PIK3CB: variants seen among roughly 807,000 people sequenced by gnomAD.
PIK3CB encodes phosphatidylinositol-4,5-bisphosphate 3-kinase catalytic subunit beta.
PIK3CB carries 39 observed loss-of-function variants against 136.8 expected under a neutral mutation model. The ratio of observed to expected loss-of-function variants is 0.29; its 90% CI spans 0.22 to 0.37. The LOEUF (loss-of-function observed/expected upper bound fraction) is 0.37, where lower values mean the gene tolerates loss of function less well. PIK3CB is among the 10% of genes least tolerant of loss of function. The probability of loss-of-function intolerance (pLI) is 1.00; values close to 1 mark genes in which losing one functional copy is unlikely to be tolerated. For synonymous variants in PIK3CB, 428 were observed against 436.6 expected (o/e 0.98, Z 0.25); for missense variants, 868 against 1,275.4 (o/e 0.68, Z 4.87).
intron 8 of PIK3CB, among the ~76,000 whole-genome samples, chr3:138,716,639 T>A (rs960283309): frequency 2.0e-5 from 3 of 152,130 alleles, no homozygotes; most frequent in Non-Finnish European, 4.4e-5. Context: ...CTCACGCCTG[T>A]AATCCCAGCA....
At chr3:138,707,340 C>T in intron 10 of PIK3CB, 51 bp from the exon 11 acceptor site, 3 of 1,552,514 alleles carry the variant, frequency 1.9e-6, no homozygotes, top group Non-Finnish European at 2.6e-6. Context: ...TAAAACTAGG[C>T]TTTAAAAAAG....
intron 8 of PIK3CB, among the ~76,000 whole-genome samples, chr3:138,728,705 G>T (rs1218146881): frequency 2.0e-5 from 3 of 151,828 alleles, no homozygotes. Flanking sequence ...GCATGAACCC[G>T]GGAGGGGGAG....
At chr3:138,781,181 A>G (rs953272483) in intron 2 of PIK3CB, among the ~76,000 whole-genome samples, 9 of 151,844 alleles carry the variant, frequency 5.9e-5, no homozygotes, top group Non-Finnish European at 1.3e-4. Context: ...AGCCCCAGCT[A>G]CTCAGGATGT....
intron 1 of PIK3CB, among the ~76,000 whole-genome samples, chr3:138,803,084 G>T (rs149499335): frequency 0.013 from 1,994 of 152,252 alleles, 43 homozygotes; most frequent in Middle Eastern, 0.048. Flanking sequence ...TTTTCAGAAA[G>T]TTCAGACCTG....
chr3:138,734,517 A>G, intron 7 of PIK3CB, 117 bp downstream of exon 7: 1 of 617,984 alleles, frequency 1.6e-6, no homozygotes, highest in Non-Finnish European at 2.6e-6. Context: ...TTTTTGGCAA[A>G]TATGTATTGG....
chr3:138,673,881 T>A (rs1468204044), intron 19 of PIK3CB, among the ~76,000 whole-genome samples: 1 of 152,312 alleles, frequency 6.6e-6, no homozygotes, highest in East Asian at 1.9e-4. Context: ...CAAAGCCTGA[T>A]TCCCACAGAA....
At chr3:138,740,728 C>G (rs942369880) in intron 5 of PIK3CB, among the ~76,000 whole-genome samples, 6 of 152,046 alleles carry the variant, frequency 3.9e-5, no homozygotes, top group African/African-American at 1.4e-4. Context: ...TCTGGGCTCG[C>G]TGCAAACTCC....
chr3:138,809,381 G>A (rs762239176), intron 1 of PIK3CB, among the ~76,000 whole-genome samples: 6 of 151,538 alleles, frequency 4.0e-5, no homozygotes, highest in African/African-American at 1.2e-4. Context: ...CGAGGCGGGC[G>A]GATCACCTGA....
chr3:138,774,486 T>TG (rs1316143988), intron 2 of PIK3CB, among the ~76,000 whole-genome samples: 2 of 152,234 alleles, frequency 1.3e-5, no homozygotes, highest in Non-Finnish European at 2.9e-5. Context: ...TGAGTGGCAA[T>TG]GGGTCCAATA....
intron 1 of PIK3CB, among the ~76,000 whole-genome samples, chr3:138,824,892 CAA>C (rs57342129): frequency 1.4e-3 from 89 of 62,350 alleles, no homozygotes; most frequent in African/African-American, 4.0e-3. Context: ...TACAAAATAC[CAA>C]AAAAAAAAAA....
chr3:138,663,967 G>A lies in PIK3CB; in HGVS notation c.2735C>T (p.Ser912Phe). The change falls in exon 21 of 24, where the codon TCT becomes TTT. Residue 912 changes from serine (S) to phenylalanine (F), a missense_variant. Ser to Phe is a radical substitution (Grantham distance 155). Transcript: ENST00000674063. ...TCTGTCACCAATCCCAAGGACATAA[G>A]AAGCTACACAGTAGCCAGCACAGGA... ...TLSCAGYCVASYVLGIGDRHS... is the reference protein window; with the variant it reads ...TLSCAGYCVAFYVLGIGDRHS... 2 of 1,614,052 alleles carry A rather than the reference G, an allele frequency of 1.2e-6. No individual in the cohort carries two copies. The highest frequency in any genetic ancestry group is 1.7e-6 in the Non-Finnish European group (2 of 1,179,972).
chr3:138,825,010 A>G (rs1933720093), intron 1 of PIK3CB: 1 of 214,850 alleles, frequency 4.7e-6, no homozygotes, highest in Non-Finnish European at 9.7e-6. Context: ...GCAGTGGGCC[A>G]CGATTGCACC....
chr3:138,761,799 G>T (rs543961523), intron 2 of PIK3CB, among the ~76,000 whole-genome samples: 1 of 151,884 alleles, frequency 6.6e-6, no homozygotes, highest in Admixed American at 6.6e-5. Context: ...AATTAGTCGG[G>T]GGTGGTGGCG....
At chr3:138,723,289 G>T (rs1418729831) in intron 8 of PIK3CB, among the ~76,000 whole-genome samples, 1 of 152,178 alleles carries the variant, frequency 6.6e-6, no homozygotes, top group South Asian at 2.1e-4. Context: ...AGTGGCTCAC[G>T]CCTGTAATCG....
chr3:138,695,684 A>C (rs1208138857), intron 13 of PIK3CB, among the ~76,000 whole-genome samples: 1 of 152,068 alleles, frequency 6.6e-6, no homozygotes, highest in East Asian at 1.9e-4. Context: ...TATTTTTGCG[A>C]AAACAATACT....
At chr3:138,691,412 T>C (rs2044005346) in intron 14 of PIK3CB, among the ~76,000 whole-genome samples, 1 of 152,202 alleles carries the variant, frequency 6.6e-6, no homozygotes, top group African/African-American at 2.4e-5. Context: ...GTCTGGCTTT[T>C]GTCCCTACTC....
intron 1 of PIK3CB, chr3:138,797,369 C>T (rs973137734): frequency 1.3e-5 from 2 of 152,082 alleles, no homozygotes; most frequent in Non-Finnish European, 2.9e-5. Context: ...GACAGCTTAC[C>T]AGTAAACTAA....
At chr3:138,817,140 C>T (rs1475315530) in intron 1 of PIK3CB, among the ~76,000 whole-genome samples, 1 of 151,858 alleles carries the variant, frequency 6.6e-6, no homozygotes, top group Non-Finnish European at 1.5e-5. Flanking sequence ...AGATCGAGAC[C>T]ATCCTGGCTA....
intron 20 of PIK3CB, among the ~76,000 whole-genome samples, 154 bp downstream of exon 20, chr3:138,664,882 A>C (rs931948073): frequency 6.6e-6 from 1 of 152,234 alleles, no homozygotes; most frequent in Admixed American, 6.5e-5. Context: ...AGACTTTACG[A>C]AGGGCTATGT....
Sources: gnomAD v4.1 joint callset for allele counts (sites outside exome capture counted in the v4.1 genomes callset) on GRCh38, gnomAD v4.1.1 for gene constraint, MANE v1.5 for transcripts, NCBI Gene and HGNC (gene_info 2026-07-23, HGNC 2026-07-21) for gene names.